CACNA1B: variants seen among roughly 807,000 people sequenced by gnomAD.
CACNA1B encodes the protein voltage-dependent N-type calcium channel subunit alpha-1B.
CACNA1B carries 70 observed loss-of-function variants against 247.2 expected under a neutral mutation model. The ratio of observed to expected loss-of-function variants is 0.28; its 90% CI spans 0.23 to 0.35. The LOEUF is 0.35. CACNA1B is among the 10% of genes least tolerant of loss of function. The pLI, the probability that CACNA1B is intolerant of heterozygous loss-of-function variation, is 1.00. For missense variants in CACNA1B, 2,367 were observed against 3,197.4 expected, an observed-to-expected ratio of 0.74 and a Z score of 6.26; for synonymous variants, 1,231 against 1,294.4, an observed-to-expected ratio of 0.95 and a Z score of 1.05.
At chr9:137,878,352 C>A in intron 1 of CACNA1B, 135 bp downstream of exon 1, 2 of 741,386 alleles carry the variant, frequency 2.7e-6, no homozygotes, top group Non-Finnish European at 3.7e-6. Context: ...GTACGGAGCG[C>A]CCCAGGGCCC....
In CACNA1B at chr9:138,114,475, TG is replaced by T; in HGVS notation, c.5636del (p.Gly1879GlufsTer15). The T allele has an allele frequency of 6.4e-7, 1 of 1,568,408 alleles. No individual in the cohort carries two copies. Among genetic ancestry groups the T allele is most frequent in the South Asian group, 1.2e-5 (1 of 85,864 alleles). On this transcript the variant is annotated frameshift_variant, in exon 41 of 47. Transcript: ENST00000371372. LOFTEE classifies it high-confidence loss of function. ...TTRDQMQQAPGGLSQMGPVSL... is the reference protein window; with the variant it reads ...TTRDQMQQAPXGLSQMGPVSL... ...CCAGAGACCAGATGCAGCAGGCTCC[TG>T]GAGGCCTCTCCCAGGTAGCTGGCGG...
intron 18 of CACNA1B, among the ~76,000 whole-genome samples, chr9:138,022,073 A>G (rs1958852175): frequency 6.6e-6 from 1 of 152,228 alleles, no homozygotes; most frequent in Non-Finnish European, 1.5e-5. Context: ...GTGATGTGTG[A>G]ATAGAGGAGG....
chr9:137,973,762 G>T lies in CACNA1B; in HGVS notation c.1544-2145G>T, dbSNP rs1958184496. On this transcript the variant is annotated intron_variant, in intron 11 of 46. Transcript: ENST00000371372. This position sits in a 1 kb window ranked among gnomAD's most constrained non-coding sequence, Gnocchi z 4.1. ...AGTGTACGAATGAATGCCCTTTCTG[G>T]GCCTCAGAGTGGAGGCTGAGTATGT... Among the ~76,000 whole-genome samples, 1 of 152,320 alleles carries T rather than the reference G, an allele frequency of 6.6e-6. No homozygotes were observed. Among genetic ancestry groups the T allele is most frequent in the Non-Finnish European group, 1.5e-5 (1 of 68,038 alleles).
intron 5 of CACNA1B, among the ~76,000 whole-genome samples, chr9:137,916,729 C>T (rs545926643): frequency 6.6e-6 from 1 of 151,500 alleles, no homozygotes; most frequent in Admixed American, 6.6e-5. Context: ...GTCAGCGTGG[C>T]AGTTTGGCTG....
At chr9:138,021,009 C>T (rs1206762783) in intron 18 of CACNA1B, among the ~76,000 whole-genome samples, 1 of 152,224 alleles carries the variant, frequency 6.6e-6, no homozygotes, top group Non-Finnish European at 1.5e-5. Flanking sequence ...GAGCCCAGGC[C>T]CCTCTCGGGC....
At chr9:138,068,099 T>G (rs1428989289) in intron 31 of CACNA1B, among the ~76,000 whole-genome samples, 1 of 152,094 alleles carries the variant, frequency 6.6e-6, no homozygotes, top group African/African-American at 2.4e-5. Flanking sequence ...AGAGCATAGG[T>G]GTGCGCAAGT....
chr9:138,121,559 C>G lies in CACNA1B; in HGVS notation c.6580C>G (p.Pro2194Ala). ...RGGRRQLPQT[P>A]LTPRPSITYK... ...TGGGCGGAGGCAGCTCCCCCAGACG[C>G]CCCTGACTCCCCGCCCCAGCATCAC... The change falls in exon 47 of 47, where the codon CCC becomes GCC. Residue 2194 changes from proline (P) to alanine (A), a missense_variant. Around this residue, in one of 12 missense-constraint regions of CACNA1B, gnomAD observed 773 missense variants for 779.4 expected, o/e 0.99. Coordinates refer to ENST00000371372, the MANE Select transcript of CACNA1B (RefSeq NM_000718.4). The surrounding 1 kb of genome is among the most constrained non-coding windows in gnomAD (Gnocchi z 6.8). 6.2e-7 allele frequency: 1 copy of G among 1,606,686 alleles called. No individual in the cohort carries two copies. The highest frequency in any genetic ancestry group is 8.5e-7 in the Non-Finnish European group (1 of 1,175,274).
At chr9:138,038,164 G>T (rs886915157) in intron 20 of CACNA1B, among the ~76,000 whole-genome samples, 1 of 152,128 alleles carries the variant, frequency 6.6e-6, no homozygotes, top group Admixed American at 6.5e-5. Flanking sequence ...GAATTTTAAC[G>T]TGTTTGACGT....
chr9:138,074,939 G>A (rs11137363), intron 34 of CACNA1B, among the ~76,000 whole-genome samples: 1 of 152,154 alleles, frequency 6.6e-6, no homozygotes, highest in African/African-American at 2.4e-5. Context: ...GGATCCTTGC[G>A]CTGGGCAAAC....
intron 6 of CACNA1B, among the ~76,000 whole-genome samples, chr9:137,935,614 TACCC>T (rs1486176766): frequency 1.3e-5 from 2 of 152,206 alleles, no homozygotes; most frequent in Admixed American, 1.3e-4. Context: ...TTTGGGTATA[TACCC>T]AGTAATGGGA....
At chr9:138,032,762 T>C (rs1337836276) in intron 20 of CACNA1B, 1 of 448,918 alleles carries the variant, frequency 2.2e-6, no homozygotes, top group Non-Finnish European at 4.4e-6. Flanking sequence ...AATTGTTTTC[T>C]TCCTATAGGT....
chr9:138,096,603 G>A lies in CACNA1B; in HGVS notation c.5214G>A (p.Pro1738=), dbSNP rs75673526. 4.5e-4 allele frequency: 719 copies of A among 1,612,000 alleles called. 7 individuals carry two copies. The East Asian group carries it at 0.015, about 34-fold the overall frequency. ...EFIRVWAEYD[P]AACGRISYND... ...TCCGGGTCTGGGCTGAATACGACCC[G>A]GCTGCGTGGTAAGTGAGCCGTGGTG... The change falls in exon 37 of 47, where the codon CCG becomes CCA. Residue 1738 remains proline (P), a synonymous_variant. Coordinates refer to ENST00000371372, the MANE Select transcript of CACNA1B (RefSeq NM_000718.4).
At chr9:138,075,727 T>C in intron 34 of CACNA1B, 92 bp from the exon 35 acceptor site, 2 of 793,816 alleles carry the variant, frequency 2.5e-6, no homozygotes, top group South Asian at 3.0e-5. Context: ...GTGGGGTCCT[T>C]GTACGGCTCG....
At position 138,020,319 on chromosome 9, in the gene CACNA1B, G is replaced by A. The variant is rs555097328; in HGVS notation, c.2268-2692G>A. Among the ~76,000 whole-genome samples the A allele has an allele frequency of 6.6e-6, 1 of 152,286 alleles. No homozygotes were observed. Among genetic ancestry groups the A allele is most frequent in the East Asian group, 1.9e-4 (1 of 5,172 alleles). Reference sequence around the variant, plus strand: ...AACAGCTGGGTTGTGCCTACCAGCTGAGGCCAGGACACAGGGGTGCCAGTC... The same window carrying A: ...AACAGCTGGGTTGTGCCTACCAGCTAAGGCCAGGACACAGGGGTGCCAGTC... On this transcript the variant is annotated intron_variant, in intron 18 of 46. Transcript: ENST00000371372. This position sits in a 1 kb window ranked among gnomAD's most constrained non-coding sequence, Gnocchi z 4.1.
chr9:138,033,727 G>C (rs550200674), intron 20 of CACNA1B, among the ~76,000 whole-genome samples: 2 of 152,130 alleles, frequency 1.3e-5, no homozygotes, highest in Non-Finnish European at 2.9e-5. Flanking sequence ...TTCTTCACAG[G>C]GTGGCAGGAC....
At chr9:138,060,975 G>T (rs186531921) in intron 31 of CACNA1B, among the ~76,000 whole-genome samples, 1 of 152,294 alleles carries the variant, frequency 6.6e-6, no homozygotes, top group South Asian at 2.1e-4. Context: ...CTGGTTGCTG[G>T]CCTGGTGGGA....
intron 18 of CACNA1B, among the ~76,000 whole-genome samples, chr9:138,015,973 C>T (rs1347991206): frequency 6.6e-6 from 1 of 152,048 alleles, no homozygotes; most frequent in African/African-American, 2.4e-5. Flanking sequence ...CACACAGGCA[C>T]ACAGACTCAC....
chr9:137,893,122 A>T (rs1363128664), intron 3 of CACNA1B, among the ~76,000 whole-genome samples: 1 of 152,126 alleles, frequency 6.6e-6, no homozygotes, highest in Non-Finnish European at 1.5e-5. Flanking sequence ...GCCAGGATCC[A>T]CAGCCTGGGA....
rs11137301 is a variant in CACNA1B, at chr9:137,914,847, G to T, written c.775+41G>T. ...ACCCTCCAGCACAGGCAAGTGCCACGGATGCGTTCATCCAGGAGATGGGCA... is the reference window on the plus strand; with the variant it reads ...ACCCTCCAGCACAGGCAAGTGCCACTGATGCGTTCATCCAGGAGATGGGCA... On this transcript the variant is annotated intron_variant, in intron 5 of 46. Transcript: ENST00000371372. This position sits in a 1 kb window ranked among gnomAD's most constrained non-coding sequence, Gnocchi z 4.3. The T allele has an allele frequency of 4.4e-6, 7 of 1,606,852 alleles. No homozygotes were observed. The Admixed American group carries it at 1.2e-4, about 27-fold the overall frequency.
Sources: gnomAD v4.1 joint callset for allele counts (sites outside exome capture counted in the v4.1 genomes callset) on GRCh38, gnomAD v4.1.1 for gene constraint, gnomAD v4.1.1 regional missense constraint, Gnocchi (gnomAD v3.1) non-coding constraint, MANE v1.5 for transcripts, NCBI Gene and HGNC (gene_info 2026-07-23, HGNC 2026-07-21) for gene names.